Variants in GALNT10 observed in about 807,000 individuals in gnomAD.
GALNT10 encodes polypeptide N-acetylgalactosaminyltransferase 10, also known as GalNAc transferase 10.
GALNT10 carries 41 observed loss-of-function variants against 75.0 expected under a neutral mutation model. The ratio of observed to expected loss-of-function variants is 0.55; its 90% CI spans 0.43 to 0.71. The LOEUF (loss-of-function observed/expected upper bound fraction) is 0.71. Ranked by LOEUF, GALNT10 falls within the 30% of genes least tolerant of loss-of-function variation. The probability of loss-of-function intolerance (pLI) is 0.00; values close to 1 mark genes in which losing one functional copy is unlikely to be tolerated. For missense variants in GALNT10, 727 were observed against 818.5 expected (o/e 0.89, Z 1.36); for synonymous variants, 302 against 313.0 (o/e 0.96, Z 0.37).
At chr5:154,288,205 G>GC (rs1381055605) in intron 1 of GALNT10, among the ~76,000 whole-genome samples, 1 of 152,166 alleles carries the variant, frequency 6.6e-6, no homozygotes, top group Non-Finnish European at 1.5e-5. Context: ...AGCGCATACA[G>GC]CCCTTTCCTT....
chr5:154,332,320 A>G (rs912368310), intron 4 of GALNT10, among the ~76,000 whole-genome samples: 2 of 152,112 alleles, frequency 1.3e-5, no homozygotes, highest in African/African-American at 4.8e-5. Flanking sequence ...CAGCAGTGGC[A>G]GTGAGGGCTG....
chr5:154,386,780 G>C, intron 7 of GALNT10: 1 of 491,164 alleles, frequency 2.0e-6, no homozygotes, highest in South Asian at 2.8e-5. Flanking sequence ...GGCCAGAGAA[G>C]CTAGGAAGGC....
At chr5:154,359,177 C>T (rs905453480) in intron 4 of GALNT10, among the ~76,000 whole-genome samples, 8 of 152,222 alleles carry the variant, frequency 5.3e-5, no homozygotes, top group African/African-American at 1.2e-4. Flanking sequence ...GTACCATTAA[C>T]GCCATGGTAA....
At chr5:154,328,437 G>C (rs1221245229) in intron 3 of GALNT10, among the ~76,000 whole-genome samples, 1 of 152,198 alleles carries the variant, frequency 6.6e-6, no homozygotes, top group Non-Finnish European at 1.5e-5. Context: ...CTCCATTGGA[G>C]AGGAATGTGT....
chr5:154,409,482 C>T lies in GALNT10; in HGVS notation c.1165-59C>T. On this transcript the variant is annotated intron_variant, in intron 8 of 11. Transcript: ENST00000297107. This position sits in a 1 kb window ranked among gnomAD's most constrained non-coding sequence, Gnocchi z 4.5. The stretch of plus-strand genomic sequence containing the variant: ...CGACCTGCCAGGACCCTTTTCACCC[C>T]ACTGCCTGGCTTTGGCTTCTTGGAA... 2 of 1,111,124 alleles carry T rather than the reference C, an allele frequency of 1.8e-6. No homozygotes were observed. Among genetic ancestry groups the T allele is most frequent in the Non-Finnish European group, 2.8e-6 (2 of 720,048 alleles). 68.8% of individuals were successfully genotyped at this position (1,111,124 alleles called of 1,614,324 possible). A position where few individuals can be genotyped will look rare whatever the true frequency, so the allele number is the denominator to read the frequency against.
At chr5:154,221,233 A>G (rs954747100) in intron 1 of GALNT10, among the ~76,000 whole-genome samples, 2 of 152,220 alleles carry the variant, frequency 1.3e-5, no homozygotes, top group African/African-American at 2.4e-5. Context: ...ACGTGGGTGA[A>G]TAGGTAGTTA....
intron 3 of GALNT10, among the ~76,000 whole-genome samples, chr5:154,310,449 T>G (rs200769952): frequency 0.36 from 45,283 of 125,212 alleles, 7,572 homozygotes; most frequent in East Asian, 0.62. Flanking sequence ...TTGTTTTTTT[T>G]TTTGTTTGTT....
Position 154,259,473 on chromosome 5 carries a change from G to A in GALNT10, c.160-35343G>A, listed in dbSNP as rs114474630. On this transcript the variant is annotated intron_variant, in intron 1 of 11. Transcript: ENST00000297107. ...CCATTTTCCTCTTTGCAATTAATAG[G>A]TATCTTTTTTGGAGGTGCTTTGAGA... is the stretch of plus-strand genomic sequence containing the variant. Among the ~76,000 whole-genome samples, 681 of 152,264 alleles carry A rather than the reference G, an allele frequency of 4.5e-3. 2 individuals carry two copies. Among genetic ancestry groups the A allele is most frequent in the Non-Finnish European group, 7.2e-3 (487 of 68,004 alleles).
At chr5:154,343,664 G>A (rs1009443956) in intron 4 of GALNT10, among the ~76,000 whole-genome samples, 3 of 152,126 alleles carry the variant, frequency 2.0e-5, no homozygotes, top group Non-Finnish European at 4.4e-5. Context: ...CTGGTCCTCG[G>A]TCAGAAATTT....
intron 4 of GALNT10, among the ~76,000 whole-genome samples, chr5:154,340,514 T>C (rs766140921): frequency 3.3e-5 from 5 of 152,198 alleles, no homozygotes; most frequent in Non-Finnish European, 7.3e-5. Flanking sequence ...CTTTGATACA[T>C]CTCTATATGT....
chr5:154,323,161 G>A lies in GALNT10; in HGVS notation c.402-6411G>A, dbSNP rs143596857. On this transcript the variant is annotated intron_variant, in intron 3 of 11. Transcript: ENST00000297107. ...GTTACGGGCTTTGCGGGCCACATGGGGTCTCTATTTAATAGTCTACTTTGA... is the reference window on the plus strand; with the variant it reads ...GTTACGGGCTTTGCGGGCCACATGGAGTCTCTATTTAATAGTCTACTTTGA... Among the ~76,000 whole-genome samples the A allele has an allele frequency of 5.6e-3, 855 of 152,188 alleles. 10 individuals carry two copies. Among genetic ancestry groups the A allele is most frequent in the African/African-American group, 0.02 (822 of 41,504 alleles).
intron 4 of GALNT10, among the ~76,000 whole-genome samples, chr5:154,335,161 T>C (rs2113124242): frequency 6.6e-6 from 1 of 152,394 alleles, no homozygotes; most frequent in Middle Eastern, 3.4e-3. Context: ...GTTCTTTTGC[T>C]GCTTATTTTG....
At chr5:154,247,356 G>C (rs541514632) in intron 1 of GALNT10, among the ~76,000 whole-genome samples, 1 of 152,258 alleles carries the variant, frequency 6.6e-6, no homozygotes, top group Admixed American at 6.5e-5. Context: ...GAAAGTCATT[G>C]GTAGCTTGAT....
chr5:154,195,233 T>C (rs1386140792), intron 1 of GALNT10, among the ~76,000 whole-genome samples: 1 of 152,232 alleles, frequency 6.6e-6, no homozygotes, highest in Non-Finnish European at 1.5e-5. Context: ...ACCTGGCAGC[T>C]ACAAGTAAGC....
chr5:154,260,459 A>G (rs1427211355), intron 1 of GALNT10, among the ~76,000 whole-genome samples: 1 of 152,154 alleles, frequency 6.6e-6, no homozygotes, highest in African/African-American at 2.4e-5. Context: ...TGACTCTGGA[A>G]CTGAGGTTTC....
At chr5:154,358,098 A>G (rs914365581) in intron 4 of GALNT10, among the ~76,000 whole-genome samples, 11 of 152,206 alleles carry the variant, frequency 7.2e-5, no homozygotes, top group African/African-American at 2.4e-4. Context: ...CACATTTCTG[A>G]AAAGGCCAAG....
chr5:154,347,586 T>C (rs1755149129), intron 4 of GALNT10, among the ~76,000 whole-genome samples: 1 of 151,958 alleles, frequency 6.6e-6, no homozygotes, highest in African/African-American at 2.4e-5. Flanking sequence ...GGTCTCAAAT[T>C]CCTGAGCCCA....
intron 7 of GALNT10, chr5:154,389,335 T>A (rs1360406095): frequency 6.6e-6 from 1 of 151,948 alleles, no homozygotes; most frequent in Non-Finnish European, 1.5e-5. Context: ...GCCATAATTC[T>A]GGTTATCATG....
intron 1 of GALNT10, among the ~76,000 whole-genome samples, chr5:154,216,387 T>A (rs915487367): frequency 6.6e-6 from 1 of 152,146 alleles, no homozygotes; most frequent in African/African-American, 2.4e-5. Flanking sequence ...TTTAAAAAAA[T>A]GTATCTACTT....
Sources: allele counts gnomAD v4.1 joint callset (sites outside exome capture counted in the v4.1 genomes callset), GRCh38; gene constraint gnomAD v4.1.1; non-coding constraint Gnocchi (gnomAD v3.1); transcripts MANE v1.5; gene names NCBI Gene and HGNC (gene_info 2026-07-23, HGNC 2026-07-21).